The following CTNND1 variants were observed in gnomAD, a reference collection of about 807,000 sequenced individuals.
The protein encoded by CTNND1 is catenin delta-1.
CTNND1 carries 16 observed loss-of-function variants against 112.1 expected under a neutral mutation model. The observed-to-expected ratio is 0.14, with a 90% CI of 0.10 to 0.22. CTNND1 has a LOEUF of 0.22. Among genes scored for constraint, CTNND1 ranks in the 10% least tolerant of loss-of-function variants. The probability of loss-of-function intolerance (pLI) is 1.00; values close to 1 mark genes in which losing one functional copy is unlikely to be tolerated. For synonymous variants in CTNND1, 420 were observed against 446.5 expected (o/e 0.94, Z 0.75); for missense variants, 1,008 against 1,257.0 (o/e 0.80, Z 3.00).
At chr11:57,791,320 A>G in intron 2 of CTNND1, 65 bp from the exon 3 acceptor site, 1 of 1,242,994 alleles carries the variant, frequency 8.0e-7, no homozygotes, top group Non-Finnish European at 1.0e-6. Context: ...CTCTGGGATT[A>G]ATAATTCATC....
At chr11:57,808,804 CTG>C (rs767556352) in intron 14 of CTNND1, among the ~76,000 whole-genome samples, 7 of 152,166 alleles carry the variant, frequency 4.6e-5, no homozygotes, top group Non-Finnish European at 7.3e-5. Flanking sequence ...TTAAACACTT[CTG>C]TGTTTCCATT....
intron 1 of CTNND1, among the ~76,000 whole-genome samples, chr11:57,777,990 A>G (rs2059188353): frequency 1.3e-5 from 2 of 152,108 alleles, no homozygotes; most frequent in East Asian, 3.8e-4. Context: ...CTTTATTAGG[A>G]GAGGAGGCTT....
intron 2 of CTNND1, among the ~76,000 whole-genome samples, chr11:57,790,192 A>G (rs2060545921): frequency 1.3e-5 from 2 of 151,664 alleles, no homozygotes; most frequent in Admixed American, 1.3e-4. Context: ...CGCAATTCTC[A>G]TGCCTCGGCT....
In CTNND1 at chr11:57,802,204, C is replaced by G. The variant is rs771623674; in HGVS notation, c.1420+8C>G. 6.3e-7 allele frequency: 1 copy of G among 1,594,004 alleles called. No individual in the cohort carries two copies. Among genetic ancestry groups the G allele is most frequent in the Non-Finnish European group, 8.6e-7 (1 of 1,168,600 alleles). On this transcript the variant is annotated splice_region_variant and intron_variant, in intron 7 of 20. Transcript: ENST00000399050. The stretch of plus-strand genomic sequence containing the variant: ...TTACTGAAGTTATTACCGGTGAGTT[C>G]TAGGCCTAAGGAAAATTGCTAAGTC...
intron 11 of CTNND1, 161 bp downstream of exon 11, chr11:57,806,639 C>T: frequency 1.5e-6 from 1 of 684,536 alleles, no homozygotes; most frequent in Non-Finnish European, 2.5e-6. Flanking sequence ...GCTAATAGCT[C>T]ACGGCATGCT....
At chr11:57,797,842 CAA>C (rs771815069) in intron 6 of CTNND1, among the ~76,000 whole-genome samples, 4 of 68,932 alleles carry the variant, frequency 5.8e-5, no homozygotes, top group Non-Finnish European at 1.0e-4. Flanking sequence ...AACTCCACCT[CAA>C]AAAAAAAAAA....
chr11:57,768,470 T>C (rs1951692737), intron 1 of CTNND1, among the ~76,000 whole-genome samples: 1 of 138,720 alleles, frequency 7.2e-6, no homozygotes, highest in South Asian at 2.4e-4. Context: ...CTCGGCTCAC[T>C]GCAAGCTCTG....
intron 6 of CTNND1, among the ~76,000 whole-genome samples, 195 bp downstream of exon 6, chr11:57,797,187 TA>T: frequency 6.8e-6 from 1 of 148,146 alleles, no homozygotes; most frequent in Non-Finnish European, 1.5e-5. Context: ...TATATATATA[TA>T]ATATAAATAT....
In CTNND1 at chr11:57,796,904, G is replaced by A. The variant is rs767439878; in HGVS notation, c.868G>A (p.Gly290Ser). 5 of 1,596,928 alleles carry A rather than the reference G, an allele frequency of 3.1e-6. No individual in the cohort carries two copies. Among genetic ancestry groups the A allele is most frequent in the Non-Finnish European group, 4.3e-6 (5 of 1,168,412 alleles). Residue 290 changes from glycine to serine, a missense_variant, in exon 6 of 21, where the codon GGC (glycine) becomes AGC (serine). Physicochemically the swap from Gly to Ser is moderately conservative, Grantham distance 56 (BLOSUM62 0). Transcript: ENST00000399050. ...GCTAGAGGATGACCAGCGTAGTATG[G>A]GCTATGATGACCTGGATTATGGTAT... is the stretch of plus-strand genomic sequence containing the variant. ...YGLEDDQRSM[G>S]YDDLDYGMMS...
rs570276987 is a variant in CTNND1, at chr11:57,796,344, G to A, written c.421-113G>A. The A allele has an allele frequency of 2.8e-5, 28 of 1,010,028 alleles. 1 individual carries two copies. In the Admixed American group the frequency reaches 7.2e-4, roughly 26 times the overall value. The allele number at this position is 1,010,028 out of a possible 1,614,324, so 62.6% of individuals were successfully genotyped here. On this transcript the variant is annotated intron_variant, in intron 5 of 20. Transcript: ENST00000399050. ...GAGGTTGCAGGTGAGCCGAGATCAC[G>A]CCATTGCACTCCAGCCAGGGCAACA...
chr11:57,791,735 A>T, intron 3 of CTNND1, 62 bp downstream of exon 3: 1 of 1,451,726 alleles, frequency 6.9e-7, no homozygotes, highest in Non-Finnish European at 9.1e-7. Flanking sequence ...AGAGGCTATG[A>T]TCCTTTTTGG....
At chr11:57,767,094 C>T (rs1026232052) in intron 1 of CTNND1, among the ~76,000 whole-genome samples, 2 of 152,046 alleles carry the variant, frequency 1.3e-5, no homozygotes, top group South Asian at 2.1e-4. Context: ...GCCTCAGCCT[C>T]CCAAGTAGCT....
At position 57,791,566 on chromosome 11, in the gene CTNND1, C is replaced by G; in HGVS notation, c.88C>G (p.Leu30Val). 1 of 1,611,208 alleles carries G rather than the reference C, an allele frequency of 6.2e-7. No individual in the cohort carries two copies. The highest frequency in any genetic ancestry group is 8.5e-7 in the Non-Finnish European group (1 of 1,178,822). The change falls in exon 3 of 21, where the codon CTG becomes GTG. Residue 30 changes from leucine to valine, a missense_variant. Physicochemically the swap from Leu to Val is conservative, Grantham distance 32. Transcript: ENST00000399050. Reference protein sequence around the residue: ...EAQFEKLTRALEEERRHVSAQ... With the variant: ...EAQFEKLTRAVEEERRHVSAQ... Reference sequence around the variant, plus strand: ...CCAGTTTGAGAAGCTGACCCGGGCGCTGGAGGAGGAACGGCGCCACGTCTC... The same window carrying G: ...CCAGTTTGAGAAGCTGACCCGGGCGGTGGAGGAGGAACGGCGCCACGTCTC...
At chr11:57,775,435 T>G (rs1953972045) in intron 1 of CTNND1, among the ~76,000 whole-genome samples, 1 of 151,970 alleles carries the variant, frequency 6.6e-6, no homozygotes, top group Non-Finnish European at 1.5e-5. Flanking sequence ...TAATTTGAAG[T>G]GAAGTGATTT....
intron 1 of CTNND1, among the ~76,000 whole-genome samples, chr11:57,771,169 C>A (rs972901503): frequency 1.3e-5 from 2 of 150,422 alleles, no homozygotes; most frequent in African/African-American, 4.9e-5. Flanking sequence ...TTTTTGTATT[C>A]ATTGAAGAAG....
At position 57,806,316 on chromosome 11, in the gene CTNND1, A is replaced by G. The variant is rs138674358; in HGVS notation, c.1877-145A>G. The G allele has an allele frequency of 2.0e-4, 169 of 865,038 alleles. No individual in the cohort carries two copies. The African/African-American group carries it at 2.6e-3, about 13-fold the overall frequency. The allele number at this position is 865,038 out of a possible 1,614,324, so 53.6% of individuals were successfully genotyped here. A position where few individuals can be genotyped will look rare whatever the true frequency, so the allele number is the denominator to read the frequency against. On this transcript the variant is annotated intron_variant, in intron 10 of 20. Transcript: ENST00000399050. The stretch of plus-strand genomic sequence containing the variant: ...CAACTAATCTGGGACCTTCTTCCCC[A>G]TACGTCCTTTGCATTTTCTGTGTTT...
chr11:57,785,041 G>A (rs2059986536), intron 1 of CTNND1, among the ~76,000 whole-genome samples: 1 of 152,162 alleles, frequency 6.6e-6, no homozygotes, highest in African/African-American at 2.4e-5. Flanking sequence ...GCTAGTTTTT[G>A]GAGGAGCCAA....
Position 57,803,692 on chromosome 11 carries a change from A to G in CTNND1, c.1492A>G (p.Thr498Ala), listed in dbSNP as rs139640030. 3 of 1,613,816 alleles carry G rather than the reference A, an allele frequency of 1.9e-6. No individual in the cohort carries two copies. The African/African-American group carries it at 4.0e-5, about 22-fold the overall frequency. Residue 498 changes from threonine (T) to alanine (A), a missense_variant, in exon 8 of 21, where the codon ACA becomes GCA. This residue lies in a region of CTNND1 where 216 missense variants were observed against 342.8 expected (regional missense o/e 0.63). Transcript: ENST00000399050. ...TGTGGACCATGCACTGCATGCCTTG[A>G]CAGATGAAGTGATCATTCCTCATTC... is the stretch of plus-strand genomic sequence containing the variant. ...EIVDHALHAL[T>A]DEVIIPHSGW...
At chr11:57,799,662 G>T (rs1340360184) in intron 6 of CTNND1, among the ~76,000 whole-genome samples, 2 of 152,214 alleles carry the variant, frequency 1.3e-5, no homozygotes, top group African/African-American at 4.8e-5. Context: ...ACAAAGGAAA[G>T]AATGTCCAAT....
Sources: gnomAD v4.1 joint callset for allele counts (sites outside exome capture counted in the v4.1 genomes callset) on GRCh38, gnomAD v4.1.1 for gene constraint, gnomAD v4.1.1 regional missense constraint, MANE v1.5 for transcripts, NCBI Gene and HGNC (gene_info 2026-07-23, HGNC 2026-07-21) for gene names.